Variants in BMPR2 observed in about 807,000 individuals in gnomAD.
The protein encoded by BMPR2 is bone morphogenetic protein receptor type 2, also known as bone morphogenetic protein receptor type-2.
In BMPR2, 29 loss-of-function variants were observed where a neutral mutation model predicts 100.8. That is an observed-to-expected ratio of 0.29 (90% confidence interval 0.21 to 0.39). The LOEUF is 0.39. BMPR2 is among the 10% of genes least tolerant of loss of function. The pLI is 1.00. For missense variants in BMPR2, 1,011 were observed against 1,274.5 expected, an observed-to-expected ratio of 0.79 and a Z score of 3.15; for synonymous variants, 382 against 442.3, an observed-to-expected ratio of 0.86 and a Z score of 1.71.
intron 3 of BMPR2, among the ~76,000 whole-genome samples, chr2:202,497,335 G>C (rs1486093756): frequency 6.6e-6 from 1 of 152,236 alleles, no homozygotes; most frequent in Non-Finnish European, 1.5e-5. Flanking sequence ...AGTACCATCG[G>C]ACCCCTTTCG....
intron 3 of BMPR2, among the ~76,000 whole-genome samples, chr2:202,492,538 A>G (rs770318687): frequency 6.6e-6 from 1 of 151,652 alleles, no homozygotes; most frequent in Non-Finnish European, 1.5e-5. Context: ...CTTCTCTACT[A>G]AAAGTACAAA....
chr2:202,414,036 T>G (rs1691072808), intron 1 of BMPR2, among the ~76,000 whole-genome samples: 1 of 152,236 alleles, frequency 6.6e-6, no homozygotes, highest in African/African-American at 2.4e-5. Context: ...GCTTCACTAT[T>G]GCACTTCACA....
At chr2:202,435,622 C>A (rs1317084184) in intron 1 of BMPR2, among the ~76,000 whole-genome samples, 3 of 149,646 alleles carry the variant, frequency 2.0e-5, no homozygotes, top group African/African-American at 7.7e-5. Context: ...CAGTAATGTC[C>A]TAGGCCTTCA....
In BMPR2 at chr2:202,377,345, C is replaced by G; in HGVS notation, c.-130C>G. 2.2e-6 allele frequency: 2 copies of G among 901,384 alleles called. No individual in the cohort carries two copies. Among genetic ancestry groups the G allele is most frequent in the Non-Finnish European group, 3.7e-6 (2 of 533,932 alleles). 55.8% of individuals were successfully genotyped at this position (901,384 alleles called of 1,614,324 possible). A position where few individuals can be genotyped will look rare whatever the true frequency, so the allele number is the denominator to read the frequency against. On this transcript the variant is annotated 5_prime_UTR_variant, in exon 1 of 13. Transcript: ENST00000374580. ...TAGGTCCTCTCATCAGCCATTTGTC[C>G]TTTCAAACTGTATTGTGATACGGGC...
At chr2:202,478,235 A>G (rs1444666912) in intron 3 of BMPR2, among the ~76,000 whole-genome samples, 1 of 152,182 alleles carries the variant, frequency 6.6e-6, no homozygotes, top group East Asian at 1.9e-4. Context: ...TAGTATTCCA[A>G]AGAACAAGAA....
At chr2:202,413,878 G>A (rs943508571) in intron 1 of BMPR2, among the ~76,000 whole-genome samples, 3 of 151,904 alleles carry the variant, frequency 2.0e-5, no homozygotes, top group South Asian at 2.1e-4. Context: ...TTGCCTAGGC[G>A]GTGTGGAATT....
Position 202,377,488 on chromosome 2 carries a change from T to G in BMPR2, c.14T>G (p.Leu5Arg), listed in dbSNP as rs1690174755. MTSS[L>R]QRPWRVPWLP... The stretch of plus-strand genomic sequence containing the variant: ...GCTGGCCCAGGGATGACTTCCTCGC[T>G]GCAGCGGCCCTGGCGGGTGCCCTGG... Residue 5 changes from leucine to arginine, a missense_variant, in exon 1 of 13, where the codon CTG becomes CGG. Leu to Arg is a moderately radical substitution (Grantham distance 102, BLOSUM62 -2). Coordinates refer to ENST00000374580, the MANE Select transcript of BMPR2 (RefSeq NM_001204.7). 1 of 1,614,264 alleles carries G rather than the reference T, an allele frequency of 6.2e-7. No homozygotes were observed. Among genetic ancestry groups the G allele is most frequent in the Non-Finnish European group, 8.5e-7 (1 of 1,180,042 alleles).
At chr2:202,536,493 G>A (rs1333783331) in intron 9 of BMPR2, among the ~76,000 whole-genome samples, 1 of 152,044 alleles carries the variant, frequency 6.6e-6, no homozygotes, top group African/African-American at 2.4e-5. Context: ...CAGTTATCTA[G>A]AAGTATATTT....
intron 2 of BMPR2, among the ~76,000 whole-genome samples, chr2:202,467,311 T>A (rs867941632): frequency 3.3e-5 from 5 of 152,188 alleles, no homozygotes; most frequent in African/African-American, 1.2e-4. Context: ...TTAAACCTTT[T>A]TTGGTGGCCT....
intron 1 of BMPR2, among the ~76,000 whole-genome samples, chr2:202,450,840 T>C (rs1278556831): frequency 6.6e-6 from 1 of 152,202 alleles, no homozygotes; most frequent in East Asian, 1.9e-4. Context: ...GTTTTTCATA[T>C]ATTTCATAAC....
At chr2:202,428,306 C>G (rs1316937547) in intron 1 of BMPR2, among the ~76,000 whole-genome samples, 1 of 152,096 alleles carries the variant, frequency 6.6e-6, no homozygotes, top group Admixed American at 6.6e-5. Flanking sequence ...CTGTCAGAGT[C>G]CCTATTTCTC....
At chr2:202,389,353 C>A (rs1231695795) in intron 1 of BMPR2, among the ~76,000 whole-genome samples, 1 of 151,242 alleles carries the variant, frequency 6.6e-6, no homozygotes, top group East Asian at 2.0e-4. Context: ...TGGTGAAACC[C>A]CGTCTCTACT....
chr2:202,383,214 T>C (rs934672721), intron 1 of BMPR2, among the ~76,000 whole-genome samples: 19 of 152,162 alleles, frequency 1.2e-4, no homozygotes, highest in African/African-American at 4.3e-4. Context: ...GCGGATCACT[T>C]GAGGTCAGGA....
chr2:202,504,846 A>AT (rs1256091292), intron 3 of BMPR2, among the ~76,000 whole-genome samples: 2 of 151,484 alleles, frequency 1.3e-5, no homozygotes, highest in Non-Finnish European at 2.9e-5. Context: ...TGCCTGGCTA[A>AT]TTTTTTGTAT....
intron 3 of BMPR2, among the ~76,000 whole-genome samples, chr2:202,491,275 T>C (rs1308514311): frequency 6.6e-6 from 1 of 152,096 alleles, no homozygotes; most frequent in Admixed American, 6.5e-5. Flanking sequence ...TAGGCTGGTC[T>C]TGAACTGCTG....
intron 1 of BMPR2, among the ~76,000 whole-genome samples, chr2:202,422,536 G>C (rs925657144): frequency 2.6e-5 from 4 of 151,992 alleles, no homozygotes; most frequent in Non-Finnish European, 5.9e-5. Flanking sequence ...TCGATCTCGT[G>C]ACCTCATGAC....
At chr2:202,469,543 G>A (rs950400486) in intron 3 of BMPR2, 13 of 305,866 alleles carry the variant, frequency 4.3e-5, no homozygotes, top group East Asian at 2.4e-4. Context: ...ACAGTGGCAC[G>A]ATCCCGGCTC....
At chr2:202,384,567 T>TC (rs1491226981) in intron 1 of BMPR2, among the ~76,000 whole-genome samples, 1 of 10,870 alleles carries the variant, frequency 9.2e-5, no homozygotes, top group African/African-American at 4.2e-4. Context: ...TTTCTTTCTT[T>TC]CTTTTTCTTT....
intron 1 of BMPR2, among the ~76,000 whole-genome samples, chr2:202,421,475 TTTAAAACAAG>T (rs1691260775): frequency 6.6e-6 from 1 of 151,322 alleles, no homozygotes; most frequent in Non-Finnish European, 1.5e-5. Flanking sequence ...TTTTTTTTTT[TTTAAAACAAG>T]TTTTGCATTA....
Sources: allele counts gnomAD v4.1 joint callset (sites outside exome capture counted in the v4.1 genomes callset), GRCh38; gene constraint gnomAD v4.1.1; transcripts MANE v1.5; gene names NCBI Gene and HGNC (gene_info 2026-07-23, HGNC 2026-07-21).